NPAS3: variants seen among roughly 807,000 people sequenced by gnomAD.
NPAS3 encodes neuronal PAS domain protein 3.
A neutral mutation model predicts 73.1 loss-of-function variants in NPAS3; 14 were observed. The observed-to-expected ratio is 0.19, with a 90% CI of 0.13 to 0.30. The LOEUF (loss-of-function observed/expected upper bound fraction) is 0.30. Ranked by LOEUF, NPAS3 falls within the 10% of genes least tolerant of loss-of-function variation. The probability of loss-of-function intolerance (pLI) is 1.00; values close to 1 mark genes in which losing one functional copy is unlikely to be tolerated. For missense variants in NPAS3, 1,096 were observed against 1,250.0 expected, an observed-to-expected ratio of 0.88 and a Z score of 1.86; for synonymous variants, 620 against 541.5, an observed-to-expected ratio of 1.14 and a Z score of -2.01.
intron 4 of NPAS3, among the ~76,000 whole-genome samples, chr14:33,400,670 A>C (rs17571355): frequency 0.09 from 13,657 of 152,180 alleles, 709 homozygotes; most frequent in Non-Finnish European, 0.11. Context: ...CAGTCAGTCC[A>C]ACTCTGAAGG....
intron 2 of NPAS3, among the ~76,000 whole-genome samples, chr14:33,160,345 C>G (rs941710369): frequency 6.6e-6 from 1 of 151,650 alleles, no homozygotes; most frequent in African/African-American, 2.4e-5. Flanking sequence ...GACCATATAT[C>G]CAAGTGTATA....
chr14:33,057,050 T>C (rs2040915336), intron 2 of NPAS3, among the ~76,000 whole-genome samples: 1 of 143,268 alleles, frequency 7.0e-6, no homozygotes, highest in Non-Finnish European at 1.5e-5. Flanking sequence ...TAGAGCACTT[T>C]CTTTCATGGT....
chr14:33,592,563 G>A (rs1444302741), intron 5 of NPAS3, among the ~76,000 whole-genome samples: 1 of 152,180 alleles, frequency 6.6e-6, no homozygotes, highest in African/African-American at 2.4e-5. Context: ...GCTGGCAGAA[G>A]GGCATCCTGG....
intron 2 of NPAS3, among the ~76,000 whole-genome samples, chr14:33,065,272 G>A (rs557384458): frequency 1.3e-5 from 2 of 152,064 alleles, no homozygotes; most frequent in African/African-American, 4.8e-5. Flanking sequence ...GGGTATGGTG[G>A]GTTAAAGAAA....
chr14:33,800,755 C>A lies in NPAS3; in HGVS notation c.2448C>A (p.Thr816=). 6.4e-7 allele frequency: 1 copy of A among 1,566,500 alleles called. No homozygotes were observed. Among genetic ancestry groups the A allele is most frequent in the East Asian group, 2.4e-5 (1 of 42,504 alleles). The change falls in exon 12 of 12, where the codon ACC becomes ACA. Residue 816 remains threonine (T), a synonymous_variant. Coordinates refer to ENST00000356141, the Ensembl canonical transcript of NPAS3. This position sits in a 1 kb window ranked among gnomAD's most constrained non-coding sequence, Gnocchi z 6.5. ...GGGTGACCGGGACCCTGGCCGCCAC[C>A]AGCACGGCCGCGCAGAGGGTCTACA... is the stretch of plus-strand genomic sequence containing the variant.
At chr14:33,228,646 C>G (rs1256775186) in intron 3 of NPAS3, among the ~76,000 whole-genome samples, 2 of 152,064 alleles carry the variant, frequency 1.3e-5, no homozygotes, top group Admixed American at 1.3e-4. Flanking sequence ...TTGCAAGACT[C>G]TGTACTAGGC....
intron 6 of NPAS3, among the ~76,000 whole-genome samples, chr14:33,721,758 A>T (rs765875630): frequency 1.4e-4 from 22 of 152,328 alleles, no homozygotes; most frequent in Admixed American, 3.3e-4. Flanking sequence ...TTTGAGTAAA[A>T]CATGAGGATA....
chr14:32,992,225 CT>C (rs1204969940), intron 1 of NPAS3, among the ~76,000 whole-genome samples: 1 of 152,046 alleles, frequency 6.6e-6, no homozygotes. Flanking sequence ...ACATTTGTGT[CT>C]GTTGCTCTCA....
rs5807698 is a variant in NPAS3 at position 32,999,510 on chromosome 14, CAA to C, written c.51-56384_51-56383del. Among the ~76,000 whole-genome samples, 200 of 143,224 alleles carry C rather than the reference CAA, an allele frequency of 1.4e-3. 1 individual carries two copies. The highest frequency in any genetic ancestry group is 4.7e-3 in the African/African-American group (186 of 39,832). 94.0% of individuals were successfully genotyped at this position (143,224 alleles called of 152,430 possible). ...TGGGTGACAGTATGAGATTCTATCT[CAA>C]AAAAAAAAAATAAAAGTTATATTCC... On this transcript the variant is annotated intron_variant, in intron 1 of 11. Coordinates refer to ENST00000356141, the Ensembl canonical transcript of NPAS3.
intron 3 of NPAS3, among the ~76,000 whole-genome samples, chr14:33,261,250 T>C (rs1460816734): frequency 6.6e-6 from 1 of 152,056 alleles, no homozygotes; most frequent in Non-Finnish European, 1.5e-5. Context: ...TAAAAGAATT[T>C]AATCAAATGG....
intron 9 of NPAS3, among the ~76,000 whole-genome samples, chr14:33,789,583 C>CTTTTTTTT (rs10567527): frequency 0.035 from 3,236 of 92,236 alleles, 411 homozygotes; most frequent in East Asian, 0.086. Flanking sequence ...TAGAGTACAA[C>CTTTTTTTT]TTTTTTTTTT....
intron 4 of NPAS3, among the ~76,000 whole-genome samples, chr14:33,479,273 C>T (rs756190267): frequency 1.3e-5 from 2 of 152,224 alleles, no homozygotes; most frequent in Non-Finnish European, 2.9e-5. Flanking sequence ...ACTTACAGCT[C>T]GCTCTAGCAA....
At chr14:33,553,919 A>G (rs2055234921) in intron 4 of NPAS3, among the ~76,000 whole-genome samples, 1 of 151,744 alleles carries the variant, frequency 6.6e-6, no homozygotes, top group Admixed American at 6.6e-5. Context: ...GTGCCTGAGC[A>G]GTATAGCATC....
chr14:33,617,038 A>G (rs1436185078), intron 5 of NPAS3, among the ~76,000 whole-genome samples: 1 of 152,226 alleles, frequency 6.6e-6, no homozygotes, highest in Non-Finnish European at 1.5e-5. Context: ...CCCAAAGGCT[A>G]AAAGATGAAT....
At chr14:33,687,807 G>C (rs145641944) in intron 6 of NPAS3, among the ~76,000 whole-genome samples, 10 of 152,250 alleles carry the variant, frequency 6.6e-5, no homozygotes, top group African/African-American at 2.4e-4. Context: ...CTTTGTCCTA[G>C]ATTCCGGGAT....
At chr14:32,938,485 T>TAGAGAGAGAGAGAGAGAGAGAGAGAG (rs1491191135), upstream of NPAS3, among the ~76,000 whole-genome samples, 80 of 21,762 alleles carry the variant, frequency 3.7e-3, 6 homozygotes, top group East Asian at 0.016. Context: ...GAGAGAGAAA[T>TAGAGAGAGAGAGAGAGAGAGAGAGAG]TGAGAGAGAG....
At chr14:33,321,447 A>G (rs1277410328) in intron 3 of NPAS3, among the ~76,000 whole-genome samples, 7 of 152,022 alleles carry the variant, frequency 4.6e-5, no homozygotes, top group African/African-American at 1.4e-4. Flanking sequence ...CTCCAGTCCC[A>G]TTATGAATAA....
At chr14:33,086,430 A>ACC (rs999963564) in intron 2 of NPAS3, among the ~76,000 whole-genome samples, 1 of 152,064 alleles carries the variant, frequency 6.6e-6, no homozygotes, top group Non-Finnish European at 1.5e-5. Flanking sequence ...TTGCAGAGGG[A>ACC]CCCCTTGTTT....
chr14:33,679,175 A>G (rs1012798100), intron 6 of NPAS3, among the ~76,000 whole-genome samples: 21 of 152,324 alleles, frequency 1.4e-4, no homozygotes, highest in Admixed American at 8.5e-4. Flanking sequence ...TCGCATAAGA[A>G]GAGGCCCTCT....
Sources: allele counts gnomAD v4.1 joint callset (sites outside exome capture counted in the v4.1 genomes callset), GRCh38; gene constraint gnomAD v4.1.1; non-coding constraint Gnocchi (gnomAD v3.1); transcripts MANE v1.5; gene names NCBI Gene and HGNC (gene_info 2026-07-23, HGNC 2026-07-21).